Variants in EEA1 observed in about 807,000 individuals in gnomAD.
The protein encoded by EEA1 is early endosome antigen 1, also known as early endosome antigen 1, 162kD.
Under a neutral mutation model 209.2 loss-of-function variants are expected in EEA1, and 111 were observed. The observed-to-expected ratio is 0.53, with a 90% CI of 0.45 to 0.62. The LOEUF (loss-of-function observed/expected upper bound fraction) is 0.62. Ranked by LOEUF, EEA1 falls within the 20% of genes least tolerant of loss-of-function variation. EEA1 has a pLI of 0.00. For missense variants in EEA1, 1,343 were observed against 1,530.8 expected, an observed-to-expected ratio of 0.88 and a Z score of 2.05; for synonymous variants, 536 against 540.6, an observed-to-expected ratio of 0.99 and a Z score of 0.12.
chr12:92,888,681 G>A (rs1272158662), intron 2 of EEA1, among the ~76,000 whole-genome samples: 1 of 150,912 alleles, frequency 6.6e-6, no homozygotes, highest in African/African-American at 2.4e-5. Flanking sequence ...GTAAATACAT[G>A]GATAAATCTA....
chr12:92,812,916 G>A (rs561957512), intron 16 of EEA1, 64 bp downstream of exon 16: 6 of 1,152,844 alleles, frequency 5.2e-6, no homozygotes, highest in South Asian at 1.8e-5. Context: ...ATCTTTACAT[G>A]TTTGCAATTT....
At chr12:92,791,484 G>A (rs1052098854) in intron 21 of EEA1, among the ~76,000 whole-genome samples, 1 of 152,112 alleles carries the variant, frequency 6.6e-6, no homozygotes, top group Non-Finnish European at 1.5e-5. Flanking sequence ...CCTAGTCTCT[G>A]ATAAAACACA....
intron 9 of EEA1, among the ~76,000 whole-genome samples, chr12:92,847,148 G>T (rs1877418878): frequency 6.6e-6 from 1 of 152,058 alleles, no homozygotes; most frequent in Non-Finnish European, 1.5e-5. Context: ...TAGAGACAGG[G>T]TTTCACTGTG....
chr12:92,857,979 C>A (rs557171867), intron 3 of EEA1: 1 of 305,892 alleles, frequency 3.3e-6, no homozygotes, highest in Non-Finnish European at 6.2e-6. Flanking sequence ...CCTGATACTG[C>A]GCACTGAGTA....
intron 2 of EEA1, among the ~76,000 whole-genome samples, chr12:92,882,030 T>C (rs1011183287): frequency 2.0e-5 from 3 of 152,130 alleles, no homozygotes; most frequent in Non-Finnish European, 4.4e-5. Context: ...ACTTAAAGAA[T>C]AGTAAATATA....
chr12:92,901,560 A>C (rs1880142393), intron 1 of EEA1, among the ~76,000 whole-genome samples: 1 of 151,952 alleles, frequency 6.6e-6, no homozygotes, highest in Non-Finnish European at 1.5e-5. Context: ...TAAATTATCT[A>C]AGAACTTCTT....
intron 2 of EEA1, among the ~76,000 whole-genome samples, chr12:92,872,813 C>T (rs556829699): frequency 1.3e-5 from 2 of 152,184 alleles, no homozygotes; most frequent in African/African-American, 4.8e-5. Flanking sequence ...ATTAGCCAGG[C>T]ATGGTGGTGT....
At chr12:92,831,428 A>G (rs1177544989) in intron 11 of EEA1, among the ~76,000 whole-genome samples, 1 of 149,978 alleles carries the variant, frequency 6.7e-6, no homozygotes, top group African/African-American at 2.4e-5. Context: ...TACACAAAAT[A>G]CTTTTGTGTA....
intron 2 of EEA1, among the ~76,000 whole-genome samples, chr12:92,886,002 C>T (rs889680372): frequency 2.0e-5 from 3 of 151,910 alleles, no homozygotes; most frequent in African/African-American, 4.8e-5. Flanking sequence ...AAGCCACAAG[C>T]CATTACGAGT....
intron 14 of EEA1, among the ~76,000 whole-genome samples, 199 bp downstream of exon 14, chr12:92,819,109 T>C (rs143469257): frequency 9.8e-5 from 15 of 152,304 alleles, no homozygotes; most frequent in Admixed American, 7.2e-4. Flanking sequence ...AATTTTCCTT[T>C]GTCAAATCAT....
chr12:92,812,380 A>G (rs1875562704), intron 16 of EEA1, among the ~76,000 whole-genome samples: 1 of 152,112 alleles, frequency 6.6e-6, no homozygotes, highest in African/African-American at 2.4e-5. Context: ...TAACAAGTAA[A>G]TTTTAAAAAT....
At chr12:92,887,933 C>T in intron 2 of EEA1, among the ~76,000 whole-genome samples, 1 of 151,380 alleles carries the variant, frequency 6.6e-6, no homozygotes, top group East Asian at 1.9e-4. Context: ...CCCAATGAGT[C>T]TCAAGCAGGA....
At chr12:92,831,977 C>T (rs1443559943) in intron 11 of EEA1, among the ~76,000 whole-genome samples, 1 of 150,586 alleles carries the variant, frequency 6.6e-6, no homozygotes, top group Admixed American at 6.6e-5. Flanking sequence ...GTCCCAGCTA[C>T]TCGGGAGGCT....
Position 92,775,981 on chromosome 12 carries a change from G to A in EEA1, c.*30C>T, listed in dbSNP as rs1873640675. 1.9e-6 allele frequency: 3 copies of A among 1,602,892 alleles called. No homozygotes were observed. The highest frequency in any genetic ancestry group is 2.2e-5 in the South Asian group (2 of 89,210). ...CATTTATTAAAAATCTAATGTTAGTGTAATATTACTCTGAAGTTGTGATAA... is the reference window on the plus strand; with the variant it reads ...CATTTATTAAAAATCTAATGTTAGTATAATATTACTCTGAAGTTGTGATAA... On this transcript the variant is annotated 3_prime_UTR_variant, in exon 29 of 29. Transcript: ENST00000322349.
chr12:92,811,222 G>T, intron 17 of EEA1, 57 bp downstream of exon 17: 2 of 1,187,224 alleles, frequency 1.7e-6, no homozygotes, highest in South Asian at 2.5e-5. Context: ...TAGGTCATGA[G>T]ATTCCATTGC....
rs1028201852 is a variant in EEA1 at position 92,848,284 on chromosome 12, G to A, written c.798+2827C>T. Among the ~76,000 whole-genome samples the A allele has an allele frequency of 4.7e-5, 7 of 150,292 alleles. No homozygotes were observed. The South Asian group carries it at 8.4e-4, about 18-fold the overall frequency. On this transcript the variant is annotated intron_variant, in intron 9 of 28. Transcript: ENST00000322349. ...CAAAGCCCTGTTTGCAGGAGGAGAC[G>A]ATGGAGGGAGACACTAAATTCTTTC...
rs1226830383 is a variant in EEA1 at position 92,776,190 on chromosome 12, T to C, written c.4114-57A>G. On this transcript the variant is annotated intron_variant, in intron 28 of 28. Transcript: ENST00000322349. ...AATAAAAACTATACCAAAAGTATTA[T>C]GAAACTACATGAATACCACCAACTA... is the stretch of plus-strand genomic sequence containing the variant. 4 of 1,499,972 alleles carry C rather than the reference T, an allele frequency of 2.7e-6. No individual in the cohort carries two copies. The African/African-American group carries it at 4.2e-5, about 16-fold the overall frequency. The allele number at this position is 1,499,972 out of a possible 1,614,324, so 92.9% of individuals were successfully genotyped here. A position where few individuals can be genotyped will look rare whatever the true frequency, so the allele number is the denominator to read the frequency against.
intron 3 of EEA1, chr12:92,858,868 T>C (rs1878005271): frequency 2.7e-6 from 2 of 728,664 alleles, no homozygotes; most frequent in Non-Finnish European, 5.1e-6. Context: ...TGCTGGTTTG[T>C]ATGACTGGAC....
Position 92,816,302 on chromosome 12 carries a change from A to G in EEA1, c.1827T>C (p.Leu609=), listed in dbSNP as rs750800557. Residue 609 remains leucine, a synonymous_variant, in exon 15 of 29, where the codon CTT becomes CTC. Coordinates refer to ENST00000322349, the MANE Select transcript of EEA1 (RefSeq NM_003566.4). The stretch of plus-strand genomic sequence containing the variant: ...AAAGGACACGGTCTTGTGCAGCTCT[A>G]AGATGTGCCTTCTGCTCTTGTACCT... The part of the protein sequence containing the change: ...HDQVQEQKAH[L]RAAQDRVLSL... 1 of 1,614,018 alleles carries G rather than the reference A, an allele frequency of 6.2e-7. No homozygotes were observed. Among genetic ancestry groups the G allele is most frequent in the Non-Finnish European group, 8.5e-7 (1 of 1,179,908 alleles).
Sources: allele counts gnomAD v4.1 joint callset (sites outside exome capture counted in the v4.1 genomes callset), GRCh38; gene constraint gnomAD v4.1.1; transcripts MANE v1.5; gene names NCBI Gene and HGNC (gene_info 2026-07-23, HGNC 2026-07-21).